KIF4A: variants seen among roughly 807,000 people sequenced by gnomAD.
KIF4A encodes the protein kinesin family member 4A, also known as chromosome-associated kinesin KIF4A.
In KIF4A, 7 loss-of-function variants were observed where a neutral mutation model predicts 105.9. That is an observed-to-expected ratio of 0.07 (90% CI 0.04 to 0.12). The LOEUF is 0.12. Ranked by LOEUF, KIF4A falls within the 10% of genes least tolerant of loss-of-function variation. KIF4A has a pLI of 1.00. For missense variants in KIF4A, 558 were observed against 929.2 expected (o/e 0.60, Z 5.19); for synonymous variants, 281 against 331.3 (o/e 0.85, Z 1.65).
intron 7 of KIF4A, among the ~76,000 whole-genome samples, chrX:70,317,544 C>CTT (rs34377717): frequency 0.045 from 3,108 of 69,315 alleles, 241 homozygotes; most frequent in Admixed American, 0.13. Context: ...ATTCCCTTGC[C>CTT]TTTTTTTTTT....
At chrX:70,353,294 A>T (rs1429783550) in intron 14 of KIF4A, among the ~76,000 whole-genome samples, 1 of 112,007 alleles carries the variant, frequency 8.9e-6, no homozygotes, top group East Asian at 2.8e-4. Flanking sequence ...CCCTTTTCTC[A>T]ATTTCCAGGA....
chrX:70,394,446 C>T (rs781167526), intron 20 of KIF4A, among the ~76,000 whole-genome samples: 2 of 111,462 alleles, frequency 1.8e-5, no homozygotes, highest in African/African-American at 6.5e-5. Context: ...TGAAGTGATC[C>T]TCCCAAAGTG....
chrX:70,291,360 A>G (rs2085759949), intron 3 of KIF4A, among the ~76,000 whole-genome samples: 1 of 111,744 alleles, frequency 8.9e-6, no homozygotes, highest in Non-Finnish European at 1.9e-5. Context: ...ATGAAAAACA[A>G]AAGGATGGCT....
chrX:70,349,395 G>C (rs1317189511), intron 13 of KIF4A, among the ~76,000 whole-genome samples: 1 of 85,993 alleles, frequency 1.2e-5, no homozygotes, highest in Non-Finnish European at 2.2e-5. Context: ...AGGGTGGCCG[G>C]GCAGAGACAC....
At chrX:70,362,191 AGAGCAGGTCCAGAT>A (rs1465518834) in intron 15 of KIF4A, 1 of 288,903 alleles carries the variant, frequency 3.5e-6, no homozygotes, top group Non-Finnish European at 6.6e-6. Context: ...TCTGTGGGGT[AGAGCAGGTCCAGAT>A]AGACCTCTCT....
chrX:70,366,407 A>C (rs1306196302), intron 15 of KIF4A, among the ~76,000 whole-genome samples: 1 of 111,859 alleles, frequency 8.9e-6, no homozygotes, highest in Non-Finnish European at 1.9e-5. Context: ...ATTTCCCTCT[A>C]CACACTGCTT....
rs199593826 is a variant in KIF4A at position 70,396,064 on chromosome X, C to A, written c.2489+15C>A. 431 of 1,084,100 alleles carry A rather than the reference C, an allele frequency of 4.0e-4. 2 individuals carry two copies. The South Asian group carries it at 8.2e-3, about 21-fold the overall frequency. 89.3% of individuals were successfully genotyped at this position (1,084,100 alleles called of 1,213,427 possible). ...ATGGAATTCAGGTAACAGGGACTATCTCTAAGCCATTATAAAAATTTATGC... is the reference window on the plus strand; with the variant it reads ...ATGGAATTCAGGTAACAGGGACTATATCTAAGCCATTATAAAAATTTATGC... On this transcript the variant is annotated intron_variant, in intron 22 of 30. Transcript: ENST00000374403.
intron 4 of KIF4A, among the ~76,000 whole-genome samples, chrX:70,298,537 T>C (rs1480216846): frequency 8.9e-6 from 1 of 111,758 alleles, no homozygotes; most frequent in Non-Finnish European, 1.9e-5. Context: ...TCAGCTAGAT[T>C]AGCCTTCTTG....
intron 17 of KIF4A, among the ~76,000 whole-genome samples, 157 bp downstream of exon 17, chrX:70,375,505 A>C (rs750342875): frequency 8.9e-6 from 1 of 112,088 alleles, no homozygotes; most frequent in Non-Finnish European, 1.9e-5. Context: ...TTTGCAGAAC[A>C]TTGTGCTAGT....
At chrX:70,414,890 T>C (rs901731158) in intron 28 of KIF4A, among the ~76,000 whole-genome samples, 1 of 111,916 alleles carries the variant, frequency 8.9e-6, no homozygotes, top group Non-Finnish European at 1.9e-5. Context: ...TGTTCCTTCA[T>C]CCTGTGAGCT....
chrX:70,319,188 G>A (rs1037910817), intron 7 of KIF4A, among the ~76,000 whole-genome samples: 9 of 111,303 alleles, frequency 8.1e-5, no homozygotes, highest in African/African-American at 2.3e-4. Flanking sequence ...ACTTGAACCC[G>A]GGAGGCAGAG....
At chrX:70,306,219 T>C (rs889682108) in intron 7 of KIF4A, among the ~76,000 whole-genome samples, 1 of 112,375 alleles carries the variant, frequency 8.9e-6, no homozygotes, top group Non-Finnish European at 1.9e-5. Flanking sequence ...ATTCCTTTGA[T>C]CTATATGCCT....
At chrX:70,324,906 C>T (rs1412628365) in intron 7 of KIF4A, among the ~76,000 whole-genome samples, 7 of 111,317 alleles carry the variant, frequency 6.3e-5, no homozygotes, top group African/African-American at 1.6e-4. Context: ...CTCAGCCTCC[C>T]GAGTAACTGG....
At chrX:70,299,688 C>T (rs2085797425) in intron 5 of KIF4A, among the ~76,000 whole-genome samples, 1 of 111,756 alleles carries the variant, frequency 8.9e-6, no homozygotes, top group Admixed American at 9.6e-5. Flanking sequence ...TAGCCAGCTA[C>T]TAATGCATGG....
chrX:70,329,069 A>C (rs1022721852), intron 7 of KIF4A, among the ~76,000 whole-genome samples: 4 of 111,899 alleles, frequency 3.6e-5, no homozygotes, highest in Non-Finnish European at 7.5e-5. Flanking sequence ...CTGTTCATCC[A>C]ATTTCACAGC....
chrX:70,366,693 G>A lies in KIF4A; in HGVS notation c.1675-7458G>A, dbSNP rs1228192331. ...AACTATGTGGTCAGTTTTGGAATAG[G>A]TGTGGTGTGGTGCTGAAAAGAATGT... On this transcript the variant is annotated intron_variant, in intron 15 of 30. Transcript: ENST00000374403. Among the ~76,000 whole-genome samples the A allele has an allele frequency of 2.7e-5, 3 of 111,863 alleles. No individual in the cohort carries two copies. The Admixed American group carries it at 2.9e-4, about 11-fold the overall frequency.
At chrX:70,386,564 G>T in intron 18 of KIF4A, 54 bp from the exon 19 acceptor site, 1 of 910,000 alleles carries the variant, frequency 1.1e-6, no homozygotes, top group Non-Finnish European at 1.6e-6. Flanking sequence ...TATAGTATAA[G>T]GTTTTATTTT....
At chrX:70,409,656 G>A (rs1290936318) in intron 28 of KIF4A, among the ~76,000 whole-genome samples, 1 of 110,258 alleles carries the variant, frequency 9.1e-6, no homozygotes, top group Non-Finnish European at 1.9e-5. Flanking sequence ...AATCAGCCAG[G>A]CATGGTGACG....
chrX:70,339,084 CAA>C (rs906085372), intron 10 of KIF4A, among the ~76,000 whole-genome samples: 5 of 47,297 alleles, frequency 1.1e-4, no homozygotes, highest in Admixed American at 5.5e-4. Flanking sequence ...GACTCCATCT[CAA>C]AAAAAAAAAA....
Sources: gnomAD v4.1 joint callset for allele counts (sites outside exome capture counted in the v4.1 genomes callset) on GRCh38, gnomAD v4.1.1 for gene constraint, MANE v1.5 for transcripts, NCBI Gene and HGNC (gene_info 2026-07-23, HGNC 2026-07-21) for gene names.